The following PDIA6 variants were observed in gnomAD, a reference collection of about 807,000 sequenced individuals.
PDIA6 encodes the protein protein disulfide isomerase family A member 6.
A neutral mutation model predicts 58.4 loss-of-function variants in PDIA6; 29 were observed. The ratio of observed to expected loss-of-function variants is 0.50; its 90% CI spans 0.37 to 0.68. The LOEUF (loss-of-function observed/expected upper bound fraction) is 0.68. PDIA6 is among the 30% of genes least tolerant of loss of function. The pLI, the probability that PDIA6 is intolerant of heterozygous loss-of-function variation, is 0.00. For missense variants in PDIA6, 480 were observed against 551.0 expected, an observed-to-expected ratio of 0.87 and a Z score of 1.29; for synonymous variants, 192 against 202.6, an observed-to-expected ratio of 0.95 and a Z score of 0.44.
intron 1 of PDIA6, among the ~76,000 whole-genome samples, chr2:10,805,609 A>G (rs1351302858): frequency 4.8e-5 from 4 of 83,106 alleles, no homozygotes; most frequent in African/African-American, 1.0e-4. Context: ...ACACATGCAC[A>G]TGTATGTTTA....
chr2:10,793,111 G>C lies in PDIA6; in HGVS notation c.438C>G (p.Tyr146Ter). 6.2e-7 allele frequency: 1 copy of C among 1,611,942 alleles called. No homozygotes were observed. The highest frequency in any genetic ancestry group is 8.5e-7 in the Non-Finnish European group (1 of 1,177,976). The change falls in exon 5 of 13, where the codon TAC (tyrosine) becomes TAG (stop). Residue 146 changes from tyrosine (Y) to a stop codon, truncating the protein, a stop_gained. Coordinates refer to ENST00000272227, the MANE Select transcript of PDIA6 (RefSeq NM_005742.4). LOFTEE classifies it high-confidence loss of function. The stretch of plus-strand genomic sequence containing the variant: ...ATGGTCTTACTTGTTTTCCAGAACT[G>C]TATCCTCCGCTCCGTCCCCCGAGGC... ...KDRLGGRSGGYSSGKQGRSDS... is the reference protein window; with the variant it reads ...KDRLGGRSGG
At chr2:10,830,246 C>T (rs1425189341) in intron 1 of PDIA6, among the ~76,000 whole-genome samples, 1 of 152,198 alleles carries the variant, frequency 6.6e-6, no homozygotes, top group African/African-American at 2.4e-5. Context: ...CCTAGCACGG[C>T]CTGGGAAAAT....
Position 10,798,582 on chromosome 2 carries a change from A to C in PDIA6, c.162-825T>G, listed in dbSNP as rs1666372890. 5.3e-5 allele frequency among the ~76,000 whole-genome samples: 8 copies of C among 152,204 alleles called. No individual in the cohort carries two copies. In the South Asian group the frequency reaches 1.7e-3, roughly 32 times the overall value. On this transcript the variant is annotated intron_variant, in intron 2 of 12. Transcript: ENST00000272227. ...GACTCTGTCCCCCACCCAAAAAAAAAAAAAAAAGCTTCCGAATTACTGCTC... is the reference window on the plus strand; with the variant it reads ...GACTCTGTCCCCCACCCAAAAAAAACAAAAAAAGCTTCCGAATTACTGCTC...
At chr2:10,834,206 C>T (rs983229581), upstream of PDIA6, among the ~76,000 whole-genome samples, 2 of 152,276 alleles carry the variant, frequency 1.3e-5, no homozygotes, top group African/African-American at 4.8e-5. Context: ...GGCAGTGCCT[C>T]ACTCTCCTTT....
At chr2:10,800,026 A>G (rs1666437739) in intron 2 of PDIA6, among the ~76,000 whole-genome samples, 1 of 152,348 alleles carries the variant, frequency 6.6e-6, no homozygotes, top group African/African-American at 2.4e-5. Flanking sequence ...CTAATCTGTA[A>G]TCGAAATTTA....
chr2:10,834,165 T>C (rs1734411), upstream of PDIA6, among the ~76,000 whole-genome samples: 87,901 of 152,210 alleles, frequency 0.58, 25,691 homozygotes, highest in East Asian at 0.81. Flanking sequence ...TTCTTTGGGG[T>C]CTCAGCAGCA....
intron 1 of PDIA6, among the ~76,000 whole-genome samples, chr2:10,824,195 G>A (rs1464002730): frequency 1.3e-5 from 2 of 151,456 alleles, no homozygotes; most frequent in African/African-American, 4.8e-5. Flanking sequence ...TTCAGGAGGA[G>A]ACACTCACAC....
intron 2 of PDIA6, among the ~76,000 whole-genome samples, chr2:10,801,180 AG>A (rs1170219451): frequency 2.0e-5 from 3 of 152,098 alleles, no homozygotes; most frequent in Non-Finnish European, 4.4e-5. Flanking sequence ...GGGGAGGCTG[AG>A]GTGGGAGGAT....
At chr2:10,827,363 T>C (rs981232887) in intron 1 of PDIA6, among the ~76,000 whole-genome samples, 2 of 152,058 alleles carry the variant, frequency 1.3e-5, no homozygotes, top group African/African-American at 4.8e-5. Flanking sequence ...GCACCCAGCC[T>C]TATTTACATA....
intron 3 of PDIA6, 44 bp downstream of exon 3, chr2:10,797,656 T>TA: frequency 5.4e-5 from 77 of 1,422,688 alleles, no homozygotes; most frequent in East Asian, 6.8e-5. Flanking sequence ...AAACTTACTG[T>TA]AAAAAAAAGT....
chr2:10,808,736 A>ACTAG (rs1016625539), intron 1 of PDIA6, among the ~76,000 whole-genome samples: 1 of 152,236 alleles, frequency 6.6e-6, no homozygotes, highest in Non-Finnish European at 1.5e-5. Flanking sequence ...CATGATAGCC[A>ACTAG]CTAGCTACAT....
chr2:10,831,420 C>G (rs1293905670), intron 1 of PDIA6, among the ~76,000 whole-genome samples: 1 of 152,210 alleles, frequency 6.6e-6, no homozygotes, highest in Non-Finnish European at 1.5e-5. Context: ...GGCTCCTTCT[C>G]CCTGTAAGCC....
chr2:10,822,749 A>G (rs1003128957), intron 1 of PDIA6, among the ~76,000 whole-genome samples: 2 of 152,236 alleles, frequency 1.3e-5, no homozygotes, highest in Admixed American at 1.3e-4. Context: ...GCCTGGCTTT[A>G]CTAAACAATT....
chr2:10,805,446 T>C (rs1369091498), intron 1 of PDIA6, among the ~76,000 whole-genome samples: 1 of 58,224 alleles, frequency 1.7e-5, no homozygotes, highest in Non-Finnish European at 3.9e-5. Flanking sequence ...ATAGGAACAC[T>C]TTTACACTGT....
chr2:10,828,354 G>A (rs1314640495), intron 1 of PDIA6, among the ~76,000 whole-genome samples: 1 of 152,206 alleles, frequency 6.6e-6, no homozygotes, highest in Admixed American at 6.5e-5. Flanking sequence ...GTTTCAGAGG[G>A]TGAGGAAGAG....
chr2:10,823,958 C>T (rs1376401984), intron 1 of PDIA6, among the ~76,000 whole-genome samples: 2 of 152,144 alleles, frequency 1.3e-5, no homozygotes, highest in African/African-American at 4.8e-5. Context: ...CCCTTCCCAG[C>T]TTTAAGCTTC....
chr2:10,795,006 G>A (rs537907066), intron 4 of PDIA6, among the ~76,000 whole-genome samples: 18 of 152,250 alleles, frequency 1.2e-4, no homozygotes, highest in Non-Finnish European at 1.6e-4. Context: ...GCACTGTATC[G>A]CTGGCTGAGC....
intron 10 of PDIA6, among the ~76,000 whole-genome samples, chr2:10,787,894 CAT>C (rs1282009056): frequency 1.3e-5 from 2 of 152,018 alleles, no homozygotes; most frequent in Non-Finnish European, 2.9e-5. Context: ...GTGCAAACCC[CAT>C]CTCTACTAAA....
intron 1 of PDIA6, among the ~76,000 whole-genome samples, chr2:10,811,687 G>A (rs7582410): frequency 6.6e-6 from 1 of 152,234 alleles, no homozygotes; most frequent in Non-Finnish European, 1.5e-5. Context: ...GTTAAGGACT[G>A]TCAGAGCCAA....
Sources: gnomAD v4.1 joint callset for allele counts (sites outside exome capture counted in the v4.1 genomes callset) on GRCh38, gnomAD v4.1.1 for gene constraint, MANE v1.5 for transcripts, NCBI Gene and HGNC (gene_info 2026-07-23, HGNC 2026-07-21) for gene names.